Variants in THSD7A observed in about 807,000 individuals in gnomAD.
The protein encoded by THSD7A is thrombospondin type 1 domain containing 7A.
Under a neutral mutation model 231.3 loss-of-function variants are expected in THSD7A, and 96 were observed. The observed-to-expected ratio is 0.41, with a 90% CI of 0.35 to 0.49. The LOEUF (loss-of-function observed/expected upper bound fraction) is 0.49, where lower values mean the gene tolerates loss of function less well. Ranked by LOEUF, THSD7A falls within the 20% of genes least tolerant of loss-of-function variation. THSD7A has a pLI of 0.05. For missense variants in THSD7A, 2,290 were observed against 2,070.2 expected (o/e 1.11, Z -2.06); for synonymous variants, 940 against 743.3 (o/e 1.26, Z -4.30).
At position 11,370,699 on chromosome 7, in the gene THSD7A, CTTAT is replaced by C. The variant is rs575773064; in HGVS notation, c.*5091_*5094del. The C allele has an allele frequency of 5.8e-4, 89 of 152,138 alleles. No individual in the cohort carries two copies. The highest frequency in any genetic ancestry group is 2.0e-3 in the African/African-American group (81 of 41,518). The allele number at this position is 152,138 out of a possible 1,614,324, so 9.4% of individuals were successfully genotyped here. On this transcript the variant is annotated 3_prime_UTR_variant, in exon 28 of 28. Coordinates refer to ENST00000423059, the MANE Select transcript of THSD7A (RefSeq NM_015204.3). The stretch of plus-strand genomic sequence containing the variant: ...ACAAAAATTCTTAGACAGCTGCCTC[CTTAT>C]TTAAACAAAATAAATATTCAGGTAG...
intron 1 of THSD7A, among the ~76,000 whole-genome samples, chr7:11,816,738 A>AC (rs1784715136): frequency 6.6e-6 from 1 of 151,888 alleles, no homozygotes; most frequent in African/African-American, 2.4e-5. Context: ...TTTTAGTGAA[A>AC]AAAGTGTATA....
chr7:11,486,720 T>A (rs1317703964), intron 6 of THSD7A, among the ~76,000 whole-genome samples: 1 of 147,772 alleles, frequency 6.8e-6, no homozygotes, highest in Admixed American at 6.6e-5. Context: ...ATATACTATC[T>A]TTTTTGGCAT....
intron 1 of THSD7A, among the ~76,000 whole-genome samples, chr7:11,691,796 G>C (rs1028675356): frequency 6.6e-6 from 1 of 150,698 alleles, no homozygotes; most frequent in Non-Finnish European, 1.5e-5. Flanking sequence ...TAAAACTTTT[G>C]GTATAAAAAT....
At chr7:11,719,308 C>T (rs938039433) in intron 1 of THSD7A, among the ~76,000 whole-genome samples, 3 of 151,550 alleles carry the variant, frequency 2.0e-5, no homozygotes, top group African/African-American at 7.3e-5. Flanking sequence ...CTTCTTTCTC[C>T]TATACTAAAT....
At chr7:11,783,222 C>T (rs1200791847) in intron 1 of THSD7A, among the ~76,000 whole-genome samples, 1 of 152,148 alleles carries the variant, frequency 6.6e-6, no homozygotes, top group Non-Finnish European at 1.5e-5. Flanking sequence ...TTTAATACAC[C>T]TGACCTGCCA....
At chr7:11,413,473 G>C (rs560659331) in intron 17 of THSD7A, among the ~76,000 whole-genome samples, 1 of 152,070 alleles carries the variant, frequency 6.6e-6, no homozygotes, top group Non-Finnish European at 1.5e-5. Flanking sequence ...CAATTGTCTT[G>C]AAACTGCCTT....
intron 8 of THSD7A, 36 bp from the exon 9 acceptor site, chr7:11,470,030 G>A (rs1410580373): frequency 2.2e-6 from 3 of 1,359,180 alleles, no homozygotes; most frequent in East Asian, 2.5e-5. Flanking sequence ...GGCTTCAATA[G>A]TAAAGCAGAA....
chr7:11,654,753 A>C (rs972854155), intron 1 of THSD7A, among the ~76,000 whole-genome samples: 2 of 151,950 alleles, frequency 1.3e-5, no homozygotes, highest in Admixed American at 1.3e-4. Context: ...ATGCAGATGA[A>C]TAATACATGT....
At chr7:11,558,040 A>G (rs1032361640) in intron 4 of THSD7A, among the ~76,000 whole-genome samples, 1 of 152,148 alleles carries the variant, frequency 6.6e-6, no homozygotes, top group Non-Finnish European at 1.5e-5. Context: ...TCCTTTGGCT[A>G]GAAAGAGCAG....
At chr7:11,495,312 T>C (rs1177169842) in intron 6 of THSD7A, among the ~76,000 whole-genome samples, 1 of 152,068 alleles carries the variant, frequency 6.6e-6, no homozygotes, top group Non-Finnish European at 1.5e-5. Flanking sequence ...ACAAATGCAG[T>C]AAGTAGGTAA....
chr7:11,599,665 G>GTCTT lies in THSD7A; in HGVS notation c.1023-6167_1023-6164dup, dbSNP rs1780483534. On this transcript the variant is annotated intron_variant, in intron 2 of 27. Transcript: ENST00000423059. ...TAGGCATAATTATGACCTTACTATT[G>GTCTT]TCTTTATTTTAAGATTATGTATCAT... Among the ~76,000 whole-genome samples the GTCTT allele has an allele frequency of 2.0e-5, 3 of 152,200 alleles. No individual in the cohort carries two copies. In the South Asian group the frequency reaches 6.2e-4, roughly 32 times the overall value.
intron 1 of THSD7A, among the ~76,000 whole-genome samples, chr7:11,770,829 G>T (rs186550023): frequency 6.6e-6 from 1 of 151,950 alleles, no homozygotes; most frequent in Admixed American, 6.6e-5. Context: ...TTTTGGCTAC[G>T]TAGAAGTATT....
At chr7:11,706,646 T>C (rs1780778948) in intron 1 of THSD7A, among the ~76,000 whole-genome samples, 1 of 147,124 alleles carries the variant, frequency 6.8e-6, no homozygotes, top group African/African-American at 2.5e-5. Flanking sequence ...TTTTTTTTTT[T>C]TTTTTTTTTA....
intron 4 of THSD7A, among the ~76,000 whole-genome samples, chr7:11,551,526 G>T (rs1314859518): frequency 6.6e-6 from 1 of 151,938 alleles, no homozygotes; most frequent in Non-Finnish European, 1.5e-5. Flanking sequence ...TAAAGAATGG[G>T]CAAACTATAA....
chr7:11,551,352 T>C (rs139921194), intron 4 of THSD7A, among the ~76,000 whole-genome samples: 12 of 152,126 alleles, frequency 7.9e-5, no homozygotes, highest in African/African-American at 2.9e-4. Flanking sequence ...TGAGACCTAA[T>C]TAAACTAAAG....
At chr7:11,454,363 T>TCA (rs1462203920) in intron 11 of THSD7A, among the ~76,000 whole-genome samples, 6 of 151,932 alleles carry the variant, frequency 3.9e-5, no homozygotes, top group Admixed American at 1.3e-4. Context: ...TAAAAATCCT[T>TCA]CACTACTTCT....
chr7:11,512,359 T>C (rs895930327), intron 6 of THSD7A, among the ~76,000 whole-genome samples: 3 of 152,120 alleles, frequency 2.0e-5, no homozygotes, highest in Non-Finnish European at 4.4e-5. Flanking sequence ...AGTTCAACCA[T>C]TGTGGAAGTC....
intron 2 of THSD7A, among the ~76,000 whole-genome samples, chr7:11,599,540 T>C (rs1354727012): frequency 1.3e-5 from 2 of 152,256 alleles, no homozygotes; most frequent in Admixed American, 1.3e-4. Flanking sequence ...TAAGATTTAC[T>C]GACTTCATAT....
intron 1 of THSD7A, among the ~76,000 whole-genome samples, chr7:11,767,322 G>A (rs570334652): frequency 2.3e-4 from 35 of 152,182 alleles, no homozygotes; most frequent in African/African-American, 3.4e-4. Flanking sequence ...TCTTCATAAC[G>A]TCTCTAACCA....
Sources: gnomAD v4.1 joint callset for allele counts (sites outside exome capture counted in the v4.1 genomes callset) on GRCh38, gnomAD v4.1.1 for gene constraint, MANE v1.5 for transcripts, NCBI Gene and HGNC (gene_info 2026-07-23, HGNC 2026-07-21) for gene names.